Variants in SFMBT2 observed in about 807,000 individuals in gnomAD.
SFMBT2 encodes the protein scm-like with four MBT domains protein 2.
Under a neutral mutation model 110.1 loss-of-function variants are expected in SFMBT2, and 38 were observed. The ratio of observed to expected loss-of-function variants is 0.35; its 90% CI spans 0.27 to 0.45. The LOEUF (loss-of-function observed/expected upper bound fraction) is 0.45, where lower values mean the gene tolerates loss of function less well. Among genes scored for constraint, SFMBT2 ranks in the 20% least tolerant of loss-of-function variants. The probability of loss-of-function intolerance (pLI) is 1.00; values close to 1 mark genes in which losing one functional copy is unlikely to be tolerated. For synonymous variants in SFMBT2, 425 were observed against 425.4 expected, an observed-to-expected ratio of 1.00 and a Z score of 0.01; for missense variants, 1,011 against 1,094.9, an observed-to-expected ratio of 0.92 and a Z score of 1.08.
At chr10:7,186,529 T>C (rs969332924) in intron 16 of SFMBT2, among the ~76,000 whole-genome samples, 24 of 151,734 alleles carry the variant, frequency 1.6e-4, no homozygotes, top group African/African-American at 5.6e-4. Context: ...CAGGCTGGTC[T>C]TGAATTCCTG....
chr10:7,396,433 C>A (rs1366521548), intron 1 of SFMBT2, among the ~76,000 whole-genome samples: 1 of 152,156 alleles, frequency 6.6e-6, no homozygotes, highest in African/African-American at 2.4e-5. Flanking sequence ...CTACAGTTTC[C>A]CGCCCACTGT....
chr10:7,389,255 A>T (rs1845705067), intron 1 of SFMBT2, among the ~76,000 whole-genome samples: 1 of 152,190 alleles, frequency 6.6e-6, no homozygotes, highest in African/African-American at 2.4e-5. Flanking sequence ...TAGAGGGGCA[A>T]ATCTTGGTGG....
chr10:7,308,518 AC>A (rs1271122728), intron 4 of SFMBT2, among the ~76,000 whole-genome samples: 1 of 152,160 alleles, frequency 6.6e-6, no homozygotes, highest in Non-Finnish European at 1.5e-5. Flanking sequence ...TGAAAATGCT[AC>A]ATTAATGGGG....
rs539268689 is a variant in SFMBT2, at chr10:7,176,453, C to T, written c.1809-288G>A. 8.1e-4 allele frequency: 798 copies of T among 982,838 alleles called. 8 individuals are homozygous for T. In the South Asian group the frequency reaches 0.016, roughly 20 times the overall value. 60.9% of individuals were successfully genotyped at this position (982,838 alleles called of 1,614,324 possible). On this transcript the variant is annotated intron_variant, in intron 16 of 20. Transcript: ENST00000397167. ...TATACAACTTCATACCAAAGATGAG[C>T]GGTGCGGGATACATACCTGATGGGC... is the stretch of plus-strand genomic sequence containing the variant.
At chr10:7,284,389 A>AAATAACAGTT (rs1842031253) in intron 5 of SFMBT2, 2 of 1,259,894 alleles carry the variant, frequency 1.6e-6, no homozygotes, top group Admixed American at 3.9e-5. Context: ...AGTCAATAGA[A>AAATAACAGTT]AATAACAGTT....
chr10:7,168,114 G>A (rs1314639292), intron 20 of SFMBT2, among the ~76,000 whole-genome samples: 1 of 152,104 alleles, frequency 6.6e-6, no homozygotes, highest in Non-Finnish European at 1.5e-5. Flanking sequence ...GACAGTGTCG[G>A]CAGTGTTCCA....
chr10:7,248,461 CAT>C (rs1239619366), intron 8 of SFMBT2, 85 bp downstream of exon 8: 1 of 1,123,798 alleles, frequency 8.9e-7, no homozygotes, highest in African/African-American at 1.5e-5. Flanking sequence ...CTTGCACGAA[CAT>C]ATGTCATCTG....
chr10:7,303,377 A>T (rs1055880637), intron 4 of SFMBT2, among the ~76,000 whole-genome samples: 2 of 152,228 alleles, frequency 1.3e-5, no homozygotes, highest in African/African-American at 4.8e-5. Flanking sequence ...GTAATTCATC[A>T]ATTTATGTAG....
At chr10:7,255,150 A>G (rs1056066460) in intron 7 of SFMBT2, among the ~76,000 whole-genome samples, 27 of 152,196 alleles carry the variant, frequency 1.8e-4, no homozygotes, top group African/African-American at 6.3e-4. Flanking sequence ...GAGGGCATGC[A>G]TTCATTTACA....
chr10:7,209,403 G>A (rs1839261138), intron 11 of SFMBT2, among the ~76,000 whole-genome samples: 1 of 152,202 alleles, frequency 6.6e-6, no homozygotes, highest in South Asian at 2.1e-4. Flanking sequence ...AGCTGCATCT[G>A]GTCAGTATGG....
intron 4 of SFMBT2, among the ~76,000 whole-genome samples, chr10:7,319,978 G>C (rs113885891): frequency 3.3e-5 from 5 of 151,448 alleles, no homozygotes; most frequent in African/African-American, 9.7e-5. Flanking sequence ...AAGACAGAGA[G>C]ACACAGAGAG....
rs201932797 is a variant in SFMBT2, at chr10:7,172,200, G to A, written c.2152-42C>T. 79 of 1,516,678 alleles carry A rather than the reference G, an allele frequency of 5.2e-5. No individual in the cohort carries two copies. Among genetic ancestry groups the A allele is most frequent in the Middle Eastern group, 1.9e-4 (1 of 5,396 alleles). 94.0% of individuals were successfully genotyped at this position (1,516,678 alleles called of 1,614,324 possible). A position where few individuals can be genotyped will look rare whatever the true frequency, so the allele number is the denominator to read the frequency against. On this transcript the variant is annotated intron_variant, in intron 18 of 20. Transcript: ENST00000397167. This position sits in a 1 kb window ranked among gnomAD's most constrained non-coding sequence, Gnocchi z 4.6. Reference sequence around the variant, plus strand: ...GGCATTTAAGGGGCTGGTGGCCCGGGGGCCTGTAGCGGTGGCCCCGCGGTC... The same window carrying A: ...GGCATTTAAGGGGCTGGTGGCCCGGAGGCCTGTAGCGGTGGCCCCGCGGTC...
intron 4 of SFMBT2, among the ~76,000 whole-genome samples, chr10:7,297,373 G>A (rs1002997026): frequency 6.6e-6 from 1 of 152,212 alleles, no homozygotes; most frequent in Non-Finnish European, 1.5e-5. Flanking sequence ...CTCCAGGTGT[G>A]TTTCCTCACT....
chr10:7,364,641 C>A (rs11591279), intron 4 of SFMBT2, among the ~76,000 whole-genome samples: 1 of 152,228 alleles, frequency 6.6e-6, no homozygotes, highest in East Asian at 1.9e-4. Flanking sequence ...TTTCCAAGGG[C>A]CTTTCAAGAT....
chr10:7,332,717 A>C (rs1843600916), intron 4 of SFMBT2, among the ~76,000 whole-genome samples: 1 of 152,254 alleles, frequency 6.6e-6, no homozygotes, highest in South Asian at 2.1e-4. Context: ...CCATGACAGA[A>C]TTGCAAGAAC....
At chr10:7,207,657 C>T in intron 11 of SFMBT2, 1 of 975,756 alleles carries the variant, frequency 1.0e-6, no homozygotes, top group South Asian at 4.7e-5. Context: ...CCACCAAAAC[C>T]ATAACTTCAC....
At chr10:7,169,901 G>T (rs1235370237) in intron 20 of SFMBT2, among the ~76,000 whole-genome samples, 2 of 152,052 alleles carry the variant, frequency 1.3e-5, no homozygotes, top group Non-Finnish European at 2.9e-5. Flanking sequence ...AAATTATATC[G>T]ACTGTTATTG....
intron 7 of SFMBT2, among the ~76,000 whole-genome samples, chr10:7,261,018 T>C (rs1318798570): frequency 6.6e-6 from 1 of 151,878 alleles, no homozygotes; most frequent in Non-Finnish European, 1.5e-5. Flanking sequence ...GGCTCACCCA[T>C]GGTCTCTCTG....
intron 4 of SFMBT2, among the ~76,000 whole-genome samples, chr10:7,323,737 C>T (rs958966488): frequency 2.0e-5 from 3 of 151,966 alleles, no homozygotes; most frequent in Non-Finnish European, 2.9e-5. Context: ...AAAGAAAGTA[C>T]ATATTGATAA....
Sources: allele counts gnomAD v4.1 joint callset (sites outside exome capture counted in the v4.1 genomes callset), GRCh38; gene constraint gnomAD v4.1.1; non-coding constraint Gnocchi (gnomAD v3.1); transcripts MANE v1.5; gene names NCBI Gene and HGNC (gene_info 2026-07-23, HGNC 2026-07-21).